MYO19: variants seen among roughly 807,000 people sequenced by gnomAD.
MYO19 encodes unconventional myosin-XIX.
A neutral mutation model predicts 129.2 loss-of-function variants in MYO19; 132 were observed. The observed-to-expected ratio is 1.02, with a 90% CI of 0.89 to 1.18. The LOEUF is 1.18. MYO19 is among the 50% of genes most tolerant of loss of function. MYO19 has a pLI of 0.00. For synonymous variants in MYO19, 531 were observed against 477.2 expected (o/e 1.11, Z -1.47); for missense variants, 1,210 against 1,216.7 (o/e 0.99, Z 0.08).
At chr17:36,517,404 C>G (rs374759029) in intron 6 of MYO19, among the ~76,000 whole-genome samples, 108 of 152,210 alleles carry the variant, frequency 7.1e-4, no homozygotes, top group African/African-American at 2.3e-3. Flanking sequence ...GGACTACAGG[C>G]GCTCGCCACC....
chr17:36,506,561 G>A lies in MYO19; in HGVS notation c.1692C>T (p.Asp564=). 1 of 1,574,344 alleles carries A rather than the reference G, an allele frequency of 6.4e-7. No individual in the cohort carries two copies. Among genetic ancestry groups the A allele is most frequent in the Non-Finnish European group, 8.6e-7 (1 of 1,164,944 alleles). ...TAGGAAACAGCCCCATGAGCAGGGG[G>A]TCCTGGGATTGCTGCAGGAGCCTGG... is the stretch of plus-strand genomic sequence containing the variant. ...ELTRLLQQSQ[D]PLLMGLFPTN... is the part of the protein sequence containing the mutation. Residue 564 remains aspartate, a synonymous_variant, in exon 18 of 26, where the codon GAC becomes GAT. Coordinates refer to ENST00000614623, the MANE Select transcript of MYO19 (RefSeq NM_001163735.2).
At chr17:36,532,441 G>A in intron 3 of MYO19, 86 bp downstream of exon 3, 1 of 1,501,348 alleles carries the variant, frequency 6.7e-7, no homozygotes, top group Non-Finnish European at 9.1e-7. Flanking sequence ...GACCTTTAAG[G>A]GGGCTTTCCC....
chr17:36,537,153 A>T (rs747873670), upstream of MYO19: 4 of 1,613,158 alleles, frequency 2.5e-6, no homozygotes, highest in Non-Finnish European at 2.5e-6. Context: ...CAATGGAACC[A>T]CCGTGCTGGA....
chr17:36,496,736 G>A (rs1427093644), intron 25 of MYO19, among the ~76,000 whole-genome samples: 1 of 152,162 alleles, frequency 6.6e-6, no homozygotes, highest in Non-Finnish European at 1.5e-5. Context: ...TCCTCTGAAT[G>A]GAAATTTGGT....
At chr17:36,498,089 T>C (rs2071168068) in intron 25 of MYO19, 177 bp downstream of exon 25, 8 of 623,124 alleles carry the variant, frequency 1.3e-5, no homozygotes, top group Non-Finnish European at 2.1e-5. Context: ...TTCCCAGTTA[T>C]AACAAAATAA....
chr17:36,526,932 C>G (rs559972218), intron 5 of MYO19, among the ~76,000 whole-genome samples: 1 of 152,030 alleles, frequency 6.6e-6, no homozygotes, highest in South Asian at 2.1e-4. Flanking sequence ...GTAATTCCAG[C>G]GCTTTGGGAG....
At chr17:36,528,694 T>C (rs1257937716) in intron 3 of MYO19, among the ~76,000 whole-genome samples, 1 of 152,102 alleles carries the variant, frequency 6.6e-6, no homozygotes, top group Non-Finnish European at 1.5e-5. Flanking sequence ...CCTCTTTGAG[T>C]CACAGTTTGT....
At chr17:36,517,724 A>G (rs1164297562) in intron 6 of MYO19, among the ~76,000 whole-genome samples, 1 of 152,092 alleles carries the variant, frequency 6.6e-6, no homozygotes, top group East Asian at 1.9e-4. Context: ...CCTCAAATTC[A>G]TATTTTGAAG....
Position 36,501,199 on chromosome 17 carries a change from G to A in MYO19, c.2117C>T (p.Pro706Leu), listed in dbSNP as rs1447162930. The change falls in exon 22 of 26, where the codon CCT becomes CTT. Residue 706 changes from proline (P) to leucine (L), a missense_variant. Transcript: ENST00000614623. ...AGTGTGGAGAATGTCCTGGATGAGA[G>A]GTTCAAGCGTGGCTTCCTCGCTGTG... ...CPHSEEATLE[P>L]LIQDILHTLP... 1 of 1,613,788 alleles carries A rather than the reference G, an allele frequency of 6.2e-7. No homozygotes were observed. Among genetic ancestry groups the A allele is most frequent in the Non-Finnish European group, 8.5e-7 (1 of 1,179,832 alleles).
At chr17:36,522,766 G>A (rs2073216948) in intron 6 of MYO19, among the ~76,000 whole-genome samples, 3 of 152,156 alleles carry the variant, frequency 2.0e-5, no homozygotes, top group Admixed American at 2.0e-4. Flanking sequence ...CCAGCAATCT[G>A]GGAGGCCGAG....
chr17:36,512,560 G>A lies in MYO19; in HGVS notation c.894+869C>T, dbSNP rs866811548. ...ACCAGGCAGAAGGGCTGTGGCAGAGGGTCATGCCCACCCCCAAAGCACTCC... is the reference window on the plus strand; with the variant it reads ...ACCAGGCAGAAGGGCTGTGGCAGAGAGTCATGCCCACCCCCAAAGCACTCC... On this transcript the variant is annotated intron_variant, in intron 11 of 25. Coordinates refer to ENST00000614623, the MANE Select transcript of MYO19 (RefSeq NM_001163735.2). The A allele has an allele frequency of 1.7e-5, 20 of 1,190,826 alleles. No homozygotes were observed. The South Asian group carries it at 2.6e-4, about 16-fold the overall frequency. The allele number at this position is 1,190,826 out of a possible 1,614,324, so 73.8% of individuals were successfully genotyped here.
At chr17:36,538,057 G>A (rs755772450), upstream of MYO19, 2 of 1,614,034 alleles carry the variant, frequency 1.2e-6, no homozygotes, top group South Asian at 1.1e-5. Flanking sequence ...CACATGGCTG[G>A]TGTGCAAACA....
intron 25 of MYO19, chr17:36,497,929 C>G (rs190703220): frequency 5.5e-4 from 160 of 291,904 alleles, no homozygotes; most frequent in Non-Finnish European, 9.1e-4. Context: ...TCATCTAAAG[C>G]CTTGGTTCTC....
intron 5 of MYO19, 51 bp downstream of exon 5, chr17:36,527,500 T>G: frequency 6.3e-7 from 1 of 1,585,364 alleles, no homozygotes; most frequent in East Asian, 2.2e-5. Context: ...GCAAAGAGGT[T>G]TAGCGGGAGG....
At chr17:36,521,962 C>T (rs1046672861) in intron 6 of MYO19, among the ~76,000 whole-genome samples, 6 of 132,930 alleles carry the variant, frequency 4.5e-5, no homozygotes, top group Non-Finnish European at 6.2e-5. Context: ...ACCCGGGAGG[C>T]GGAGGTTGCA....
chr17:36,527,913 G>T, intron 4 of MYO19, 151 bp downstream of exon 4: 1 of 1,180,348 alleles, frequency 8.5e-7, no homozygotes, highest in Non-Finnish European at 1.2e-6. Context: ...CAGCTGTCAT[G>T]CTCCCTCAGG....
chr17:36,525,446 G>T (rs373546519), intron 5 of MYO19, 105 bp from the exon 6 acceptor site: 9 of 840,810 alleles, frequency 1.1e-5, no homozygotes, highest in East Asian at 2.5e-5. Context: ...GCAGTGGTGG[G>T]ATGCTTCCTC....
intron 18 of MYO19, 40 bp downstream of exon 18, chr17:36,506,416 A>C: frequency 6.2e-7 from 1 of 1,603,916 alleles, no homozygotes; most frequent in Non-Finnish European, 8.5e-7. Flanking sequence ...GAGACCGTGG[A>C]GTTTGAACCA....
At chr17:36,511,894 C>T (rs527729590) in intron 11 of MYO19, among the ~76,000 whole-genome samples, 6 of 152,304 alleles carry the variant, frequency 3.9e-5, no homozygotes, top group African/African-American at 1.4e-4. Context: ...AGCCCTTTCC[C>T]ACTGTCAGGC....
Sources: allele counts gnomAD v4.1 joint callset (sites outside exome capture counted in the v4.1 genomes callset), GRCh38; gene constraint gnomAD v4.1.1; transcripts MANE v1.5; gene names NCBI Gene and HGNC (gene_info 2026-07-23, HGNC 2026-07-21).